CNGA1: variants seen among roughly 807,000 people sequenced by gnomAD.
CNGA1 encodes cyclic nucleotide-gated channel alpha-1.
A neutral mutation model predicts 69.7 loss-of-function variants in CNGA1; 53 were observed. That is an observed-to-expected ratio of 0.76 (90% CI 0.61 to 0.96). The LOEUF (loss-of-function observed/expected upper bound fraction) is 0.96, where lower values mean the gene tolerates loss of function less well. Among genes scored for constraint, CNGA1 ranks in the 40% least tolerant of loss-of-function variants. The pLI is 0.00. For missense variants in CNGA1, 739 were observed against 811.2 expected, an observed-to-expected ratio of 0.91 and a Z score of 1.08; for synonymous variants, 249 against 283.5, an observed-to-expected ratio of 0.88 and a Z score of 1.22.
intron 2 of CNGA1, among the ~76,000 whole-genome samples, chr4:48,001,328 G>C (rs60149062): frequency 0.013 from 2,039 of 152,244 alleles, 37 homozygotes; most frequent in African/African-American, 0.047. Context: ...AATTAGCCAG[G>C]TGTGGTGGCA....
At chr4:48,004,206 T>C (rs1011516814) in intron 2 of CNGA1, among the ~76,000 whole-genome samples, 1 of 152,228 alleles carries the variant, frequency 6.6e-6, no homozygotes, top group African/African-American at 2.4e-5. Context: ...CCCTGTCCAG[T>C]GGACACGTGA....
At chr4:47,962,854 G>A (rs1440226) in intron 3 of CNGA1, among the ~76,000 whole-genome samples, 15,913 of 152,018 alleles carry the variant, frequency 0.1, 1,317 homozygotes, top group East Asian at 0.32. Flanking sequence ...GAACCTCAAA[G>A]AGAAAAAATA....
intron 3 of CNGA1, among the ~76,000 whole-genome samples, chr4:47,969,602 T>C (rs895212507): frequency 2.0e-5 from 3 of 152,276 alleles, no homozygotes; most frequent in Admixed American, 2.0e-4. Context: ...CCCTAGTAGC[T>C]GGGATTACAG....
intron 3 of CNGA1, among the ~76,000 whole-genome samples, chr4:47,965,429 CTTTT>C (rs201467914): frequency 7.1e-6 from 1 of 141,216 alleles, no homozygotes; most frequent in Admixed American, 7.1e-5. Flanking sequence ...ATAAGTTATT[CTTTT>C]TTTTTTTTTT....
chr4:47,940,305 T>G (rs1263233895), intron 10 of CNGA1, among the ~76,000 whole-genome samples: 1 of 152,366 alleles, frequency 6.6e-6, no homozygotes, highest in South Asian at 2.1e-4. Context: ...CTTCAGAAGC[T>G]ATCCCCTCTG....
Position 48,016,615 on chromosome 4 carries a change from G to C in CNGA1, c.-355C>G. 1.9e-6 allele frequency: 1 copy of C among 537,400 alleles called. No homozygotes were observed. Among genetic ancestry groups the C allele is most frequent in the Non-Finnish European group, 3.2e-6 (1 of 308,702 alleles). The allele number at this position is 537,400 out of a possible 1,614,324, so 33.3% of individuals were successfully genotyped here. A position where few individuals can be genotyped will look rare whatever the true frequency, so the allele number is the denominator to read the frequency against. Reference sequence around the variant, plus strand: ...CCAGATACACCAGTTATCACAGGCCGCTCCCAGGCCTGCGGGGGCCCTGAG... The same window carrying C: ...CCAGATACACCAGTTATCACAGGCCCCTCCCAGGCCTGCGGGGGCCCTGAG... On this transcript the variant is annotated 5_prime_UTR_variant, in exon 1 of 11. Coordinates refer to ENST00000514170, the MANE Select transcript of CNGA1 (RefSeq NM_001379270.1).
intron 2 of CNGA1, among the ~76,000 whole-genome samples, chr4:47,988,557 C>T (rs890506658): frequency 1.3e-5 from 2 of 152,038 alleles, no homozygotes; most frequent in African/African-American, 2.4e-5. Flanking sequence ...AACAACACTG[C>T]CTTCCACAGC....
intron 2 of CNGA1, among the ~76,000 whole-genome samples, chr4:47,983,033 G>C (rs1741802923): frequency 6.6e-6 from 1 of 151,958 alleles, no homozygotes; most frequent in African/African-American, 2.4e-5. Flanking sequence ...CAAACTCCTG[G>C]CCTCAAATGA....
At chr4:47,975,989 C>G (rs1197974948) in intron 3 of CNGA1, among the ~76,000 whole-genome samples, 1 of 151,112 alleles carries the variant, frequency 6.6e-6, no homozygotes, top group Non-Finnish European at 1.5e-5. Flanking sequence ...ACCCCAATAT[C>G]TGTTTCACAA....
At chr4:47,943,571 G>A (rs893525961) in intron 6 of CNGA1, among the ~76,000 whole-genome samples, 159 bp from the exon 7 acceptor site, 5 of 152,154 alleles carry the variant, frequency 3.3e-5, no homozygotes, top group African/African-American at 1.2e-4. Flanking sequence ...CCCAAAAAGT[G>A]GGGGGTGGGG....
rs568640816 is a variant in CNGA1 at position 48,007,266 on chromosome 4, A to G, written c.-123+3528T>C. ...TATTAAGGAGTTGGTTAATGCTTCA[A>G]GAAAATCTTGTTAATCTGACACAGC... On this transcript the variant is annotated intron_variant, in intron 2 of 10. Transcript: ENST00000514170. Among the ~76,000 whole-genome samples, 5 of 152,334 alleles carry G rather than the reference A, an allele frequency of 3.3e-5. No individual in the cohort carries two copies. In the South Asian group the frequency reaches 1.0e-3, roughly 32 times the overall value.
intron 6 of CNGA1, among the ~76,000 whole-genome samples, chr4:47,946,005 G>T (rs1419052041): frequency 6.6e-6 from 1 of 152,186 alleles, no homozygotes; most frequent in African/African-American, 2.4e-5. Context: ...TATATAGTTG[G>T]TCATCGGCAC....
chr4:47,970,799 A>G (rs1740974019), intron 3 of CNGA1: 2 of 451,840 alleles, frequency 4.4e-6, no homozygotes, highest in South Asian at 1.6e-5. Context: ...TATATACTAT[A>G]TAGTATTTCA....
intron 2 of CNGA1, among the ~76,000 whole-genome samples, chr4:47,989,869 G>A (rs548451795): frequency 2.6e-5 from 4 of 151,766 alleles, no homozygotes; most frequent in South Asian, 2.1e-4. Flanking sequence ...AACCCCAAAC[G>A]GAGGGACCAG....
chr4:48,005,309 G>A (rs531852458), intron 2 of CNGA1, among the ~76,000 whole-genome samples: 1 of 152,074 alleles, frequency 6.6e-6, no homozygotes, highest in East Asian at 1.9e-4. Context: ...GTAGAGATGG[G>A]GTTTCTCCAT....
chr4:47,950,988 C>A (rs1328193659), intron 5 of CNGA1, among the ~76,000 whole-genome samples: 2 of 152,112 alleles, frequency 1.3e-5, no homozygotes, highest in African/African-American at 2.4e-5. Context: ...AGGGACAGAC[C>A]CCAGTGGGTC....
At chr4:47,948,923 G>A (rs1739584618) in intron 6 of CNGA1, among the ~76,000 whole-genome samples, 1 of 152,152 alleles carries the variant, frequency 6.6e-6, no homozygotes, top group East Asian at 1.9e-4. Context: ...AGCGGAGAGG[G>A]TGAAGAATTT....
chr4:47,937,490 G>A lies in CNGA1; in HGVS notation c.992C>T (p.Pro331Leu). The A allele has an allele frequency of 1.2e-6, 2 of 1,614,124 alleles. No individual in the cohort carries two copies. Among genetic ancestry groups the A allele is most frequent in the Non-Finnish European group, 1.7e-6 (2 of 1,180,014 alleles). The change falls in exon 11 of 11, where the codon CCT becomes CTT. Residue 331 changes from proline to leucine, a missense_variant. By Grantham distance (98) the Pro-to-Leu change is moderately conservative. Coordinates refer to ENST00000514170, the MANE Select transcript of CNGA1 (RefSeq NM_001379270.1). ...GCCAAATTCAGGATCATTAATATCAGGGTAGACCCATGTATCATTTCCAAA... is the reference window on the plus strand; with the variant it reads ...GCCAAATTCAGGATCATTAATATCAAGGTAGACCCATGTATCATTTCCAAA... ...IGFGNDTWVY[P>L]DINDPEFGRL...
chr4:47,946,975 G>C (rs1739433766), intron 6 of CNGA1, among the ~76,000 whole-genome samples: 1 of 152,078 alleles, frequency 6.6e-6, no homozygotes, highest in Admixed American at 6.6e-5. Flanking sequence ...GTAGAAATGA[G>C]GTTTCACCAT....
Sources: gnomAD v4.1 joint callset for allele counts (sites outside exome capture counted in the v4.1 genomes callset) on GRCh38, gnomAD v4.1.1 for gene constraint, MANE v1.5 for transcripts, NCBI Gene and HGNC (gene_info 2026-07-23, HGNC 2026-07-21) for gene names.